The following MAP4K3 variants were observed in gnomAD, a reference collection of about 807,000 sequenced individuals.
MAP4K3 encodes the protein MAPK/ERK kinase kinase kinase 3.
MAP4K3 carries 94 observed loss-of-function variants against 143.5 expected under a neutral mutation model. That is an observed-to-expected ratio of 0.65 (90% CI 0.55 to 0.78). The LOEUF (loss-of-function observed/expected upper bound fraction) is 0.78. MAP4K3 is among the 30% of genes least tolerant of loss of function. The pLI, the probability that MAP4K3 is intolerant of heterozygous loss-of-function variation, is 0.00. For missense variants in MAP4K3, 1,077 were observed against 1,068.1 expected, an observed-to-expected ratio of 1.01 and a Z score of -0.12; for synonymous variants, 416 against 347.2, an observed-to-expected ratio of 1.20 and a Z score of -2.20.
At chr2:39,325,870 A>T (rs758741737) in intron 10 of MAP4K3, 29 bp downstream of exon 10, 53 of 1,560,050 alleles carry the variant, frequency 3.4e-5, no homozygotes, top group Admixed American at 5.4e-5. Context: ...TCATCTCACC[A>T]TAAAAGTAAA....
At chr2:39,257,543 G>A (rs968144228) in intron 31 of MAP4K3, among the ~76,000 whole-genome samples, 1 of 152,162 alleles carries the variant, frequency 6.6e-6, no homozygotes, top group Non-Finnish European at 1.5e-5. Flanking sequence ...GCTCACGCCT[G>A]TAATCCCAGC....
chr2:39,266,156 G>A (rs796138795), intron 27 of MAP4K3, among the ~76,000 whole-genome samples: 1 of 152,148 alleles, frequency 6.6e-6, no homozygotes, highest in Non-Finnish European at 1.5e-5. Context: ...ATTTGCTGCA[G>A]TTCTAACAGA....
intron 1 of MAP4K3, among the ~76,000 whole-genome samples, chr2:39,399,455 T>C (rs1400508759): frequency 2.0e-5 from 3 of 152,204 alleles, no homozygotes. Flanking sequence ...ATCACATCTC[T>C]TTAACAAAAT....
intron 1 of MAP4K3, among the ~76,000 whole-genome samples, chr2:39,397,739 G>A (rs565874069): frequency 2.0e-5 from 3 of 152,256 alleles, no homozygotes; most frequent in Admixed American, 6.5e-5. Context: ...AAAAGTATAC[G>A]AGTGGCAAAT....
At chr2:39,322,044 T>C (rs966187989) in intron 12 of MAP4K3, among the ~76,000 whole-genome samples, 13 of 886 alleles carry the variant, frequency 0.015, no homozygotes, top group Non-Finnish European at 0.029. Context: ...CTCTATACTT[T>C]GTCTCTGTGT....
intron 2 of MAP4K3, among the ~76,000 whole-genome samples, chr2:39,369,899 C>T (rs1259540623): frequency 6.6e-6 from 1 of 152,216 alleles, no homozygotes; most frequent in African/African-American, 2.4e-5. Context: ...TTCCTTACTG[C>T]CAGCACCACC....
At chr2:39,313,964 T>G (rs938595644) in intron 13 of MAP4K3, among the ~76,000 whole-genome samples, 1 of 152,146 alleles carries the variant, frequency 6.6e-6, no homozygotes, top group African/African-American at 2.4e-5. Context: ...AGAAAGAGAG[T>G]ACTTTAAATT....
At chr2:39,360,995 T>A (rs1665753618) in intron 2 of MAP4K3, among the ~76,000 whole-genome samples, 1 of 152,226 alleles carries the variant, frequency 6.6e-6, no homozygotes, top group African/African-American at 2.4e-5. Flanking sequence ...TTCTGTCACA[T>A]TAAGTCCATA....
chr2:39,256,847 A>G (rs777097236), intron 31 of MAP4K3, among the ~76,000 whole-genome samples: 9 of 152,154 alleles, frequency 5.9e-5, no homozygotes, highest in Non-Finnish European at 1.2e-4. Flanking sequence ...ACCACAAGCA[A>G]TGAACTTGGC....
At chr2:39,325,434 G>A in intron 12 of MAP4K3, 84 bp downstream of exon 12, 1 of 824,304 alleles carries the variant, frequency 1.2e-6, no homozygotes, top group Non-Finnish European at 1.8e-6. Context: ...TTAAAAAAAT[G>A]GATTTTGAGA....
chr2:39,407,907 C>T (rs1310037135), intron 1 of MAP4K3, among the ~76,000 whole-genome samples: 2 of 151,810 alleles, frequency 1.3e-5, no homozygotes, highest in African/African-American at 4.9e-5. Flanking sequence ...GATGAAAGTG[C>T]CCTATTTTGG....
At chr2:39,280,018 A>C (rs1358891038) in intron 23 of MAP4K3, among the ~76,000 whole-genome samples, 2 of 152,178 alleles carry the variant, frequency 1.3e-5, no homozygotes, top group Admixed American at 1.3e-4. Context: ...TTTCTGGAGG[A>C]AACTAGGGTG....
Position 39,254,479 on chromosome 2 carries a change from T to C in MAP4K3, c.2512A>G (p.Met838Val). 2 of 1,614,010 alleles carry C rather than the reference T, an allele frequency of 1.2e-6. No homozygotes were observed. The highest frequency in any genetic ancestry group is 1.7e-6 in the Non-Finnish European group (2 of 1,179,924). ...TTAGATCTAAAACTTCTACCTTGCATTCCATGTTTCCAGAAAGCTAGCACA... is the reference window on the plus strand; with the variant it reads ...TTAGATCTAAAACTTCTACCTTGCACTCCATGTTTCCAGAAAGCTAGCACA... ...DSVLAFWKHGMQGRSFRSNEV... is the reference protein window; with the variant it reads ...DSVLAFWKHGVQGRSFRSNEV... The change falls in exon 32 of 34, where the codon ATG becomes GTG. Residue 838 changes from methionine to valine, a missense_variant. Around this residue, in one of 2 missense-constraint regions of MAP4K3, gnomAD observed 864 missense variants for 801.2 expected, o/e 1.08. Coordinates refer to ENST00000263881, the MANE Select transcript of MAP4K3 (RefSeq NM_003618.4).
At chr2:39,270,530 C>T (rs571779669) in intron 26 of MAP4K3, among the ~76,000 whole-genome samples, 5 of 152,254 alleles carry the variant, frequency 3.3e-5, no homozygotes, top group South Asian at 2.1e-4. Context: ...TTTACATACA[C>T]GATTTATCAT....
chr2:39,428,464 G>C (rs1230273855), intron 1 of MAP4K3, among the ~76,000 whole-genome samples: 2 of 151,748 alleles, frequency 1.3e-5, no homozygotes, highest in African/African-American at 4.8e-5. Flanking sequence ...CCTGAGGTCA[G>C]GAGTTCGAGA....
intron 2 of MAP4K3, among the ~76,000 whole-genome samples, chr2:39,364,847 CAGAG>C (rs1211125989): frequency 1.7e-5 from 2 of 114,906 alleles, no homozygotes; most frequent in African/African-American, 6.8e-5. Flanking sequence ...GCCTGGGCAA[CAGAG>C]AGAAACTCTG....
At chr2:39,362,342 A>G (rs1314849404) in intron 2 of MAP4K3, among the ~76,000 whole-genome samples, 2 of 152,200 alleles carry the variant, frequency 1.3e-5, no homozygotes, top group African/African-American at 4.8e-5. Flanking sequence ...AGAAAGCTCT[A>G]AAGATTCCAC....
At chr2:39,366,585 C>T (rs1234542990) in intron 2 of MAP4K3, among the ~76,000 whole-genome samples, 1 of 152,180 alleles carries the variant, frequency 6.6e-6, no homozygotes, top group East Asian at 1.9e-4. Flanking sequence ...CTGCTTCCAT[C>T]ATGGCCTGAA....
intron 1 of MAP4K3, among the ~76,000 whole-genome samples, chr2:39,407,864 C>T (rs1430618052): frequency 1.3e-5 from 2 of 152,058 alleles, no homozygotes; most frequent in Non-Finnish European, 2.9e-5. Flanking sequence ...GTGTAGGCCA[C>T]TGTGTCTAGC....
Sources: allele counts gnomAD v4.1 joint callset (sites outside exome capture counted in the v4.1 genomes callset), GRCh38; gene constraint gnomAD v4.1.1; regional missense constraint gnomAD v4.1.1; transcripts MANE v1.5; gene names NCBI Gene and HGNC (gene_info 2026-07-23, HGNC 2026-07-21).